The following XIRP2 variants were observed in gnomAD, a reference collection of about 807,000 sequenced individuals.
The protein encoded by XIRP2 is xin actin binding repeat containing 2, also known as xin actin-binding repeat-containing protein 2.
In XIRP2, 236 loss-of-function variants were observed where a neutral mutation model predicts 277.0. The observed-to-expected ratio is 0.85, with a 90% CI of 0.77 to 0.95. The LOEUF is 0.95. Ranked by LOEUF, XIRP2 falls within the 40% of genes least tolerant of loss-of-function variation. XIRP2 has a pLI of 0.00. For synonymous variants in XIRP2, 1,490 were observed against 1,416.5 expected (o/e 1.05, Z -1.17); for missense variants, 4,640 against 4,157.5 (o/e 1.12, Z -3.19).
At chr2:166,919,470 C>T (rs1046617373) in intron 2 of XIRP2, among the ~76,000 whole-genome samples, 21 of 152,066 alleles carry the variant, frequency 1.4e-4, no homozygotes, top group African/African-American at 4.6e-4. Flanking sequence ...TCTTTTTGCC[C>T]CATTTGTGGA....
intron 2 of XIRP2, among the ~76,000 whole-genome samples, chr2:167,023,104 C>T (rs1438054578): frequency 1.3e-4 from 20 of 152,116 alleles, no homozygotes; most frequent in East Asian, 1.2e-3. Context: ...CTCCACATCC[C>T]CTCCAGCACC....
rs188803477 is a variant in XIRP2, at chr2:167,149,938, T to G, written c.562+13876T>G. Among the ~76,000 whole-genome samples the G allele has an allele frequency of 1.3e-3, 196 of 152,034 alleles. 3 individuals carry two copies. The East Asian group carries it at 0.029, about 22-fold the overall frequency. On this transcript the variant is annotated intron_variant, in intron 3 of 10. Coordinates refer to ENST00000409195, the MANE Select transcript of XIRP2 (RefSeq NM_152381.6). ...AGAAAGAGACAACCAAATTTAAAATTAGGCAAAGTATACAAACAACAAAAA... is the reference window on the plus strand; with the variant it reads ...AGAAAGAGACAACCAAATTTAAAATGAGGCAAAGTATACAAACAACAAAAA...
chr2:166,893,160 T>G (rs1307618016), intron 1 of XIRP2, among the ~76,000 whole-genome samples: 1 of 151,922 alleles, frequency 6.6e-6, no homozygotes, highest in Non-Finnish European at 1.5e-5. Context: ...AGTGAGAATA[T>G]TGGAATTTGA....
chr2:166,929,641 T>G (rs1574086760), intron 2 of XIRP2, among the ~76,000 whole-genome samples: 1 of 152,166 alleles, frequency 6.6e-6, no homozygotes, highest in African/African-American at 2.4e-5. Flanking sequence ...CAGTACTTTT[T>G]TTTTCCTTAT....
chr2:167,005,309 C>A (rs928094425), intron 2 of XIRP2, among the ~76,000 whole-genome samples: 1 of 151,794 alleles, frequency 6.6e-6, no homozygotes, highest in African/African-American at 2.4e-5. Context: ...CCTAGGACAT[C>A]TTTTATCTGT....
intron 4 of XIRP2, among the ~76,000 whole-genome samples, chr2:167,217,631 A>G (rs1482287170): frequency 6.6e-6 from 1 of 152,196 alleles, no homozygotes; most frequent in East Asian, 1.9e-4. Flanking sequence ...TTTAATACAT[A>G]CAAAATCACA....
chr2:167,093,360 C>A (rs1415480383), intron 2 of XIRP2, among the ~76,000 whole-genome samples: 2 of 151,786 alleles, frequency 1.3e-5, no homozygotes, highest in African/African-American at 4.8e-5. Flanking sequence ...GATACATGTG[C>A]AGAACATGCA....
intron 2 of XIRP2, among the ~76,000 whole-genome samples, chr2:166,942,391 G>T (rs1203138033): frequency 1.3e-5 from 2 of 152,054 alleles, no homozygotes; most frequent in Non-Finnish European, 2.9e-5. Context: ...TTATTTTCAT[G>T]AAAAACTTCA....
At position 167,096,202 on chromosome 2, in the gene XIRP2, A is replaced by G. The variant is rs554940274; in HGVS notation, c.409-39707A>G. ...CTGGGCTTTTATTGGTTGCTAGGCT[A>G]TTAATTGCTGCCTCAATTTCAGAAC... On this transcript the variant is annotated intron_variant, in intron 2 of 10. Transcript: ENST00000409195. Among the ~76,000 whole-genome samples, 3 of 152,188 alleles carry G rather than the reference A, an allele frequency of 2.0e-5. No homozygotes were observed. In the East Asian group the frequency reaches 5.8e-4, roughly 29 times the overall value.
chr2:167,185,326 T>G (rs1693124679), intron 3 of XIRP2, among the ~76,000 whole-genome samples: 1 of 152,148 alleles, frequency 6.6e-6, no homozygotes, highest in East Asian at 1.9e-4. Flanking sequence ...TTGTTGGTCT[T>G]AATGTATAAT....
intron 9 of XIRP2, among the ~76,000 whole-genome samples, chr2:167,253,818 T>C (rs1029317399): frequency 6.6e-6 from 1 of 151,778 alleles, no homozygotes; most frequent in Non-Finnish European, 1.5e-5. Flanking sequence ...AATCTATAAA[T>C]GGTAGAAGCA....
intron 2 of XIRP2, among the ~76,000 whole-genome samples, chr2:167,086,007 C>G (rs1689930490): frequency 1.3e-5 from 2 of 151,464 alleles, no homozygotes. Flanking sequence ...GGTTATTTTG[C>G]TCGTTAGTTG....
rs1479589 is a variant in XIRP2 at position 167,255,719 on chromosome 2, A to G, written c.*39+1554A>G. Among the ~76,000 whole-genome samples the G allele has an allele frequency of 6.4e-4, 97 of 151,948 alleles. 2 individuals carry two copies. In the South Asian group the frequency reaches 0.019, roughly 30 times the overall value. On this transcript the variant is annotated intron_variant, in intron 10 of 10. Coordinates refer to ENST00000409195, the MANE Select transcript of XIRP2 (RefSeq NM_152381.6). ...CATCTTAGTTTTCAGGTTGCAAGATATTAATGCCCACCACCAATGCTTACC... is the reference window on the plus strand; with the variant it reads ...CATCTTAGTTTTCAGGTTGCAAGATGTTAATGCCCACCACCAATGCTTACC...
At chr2:166,983,016 C>T (rs75792962) in intron 2 of XIRP2, among the ~76,000 whole-genome samples, 7,214 of 152,228 alleles carry the variant, frequency 0.047, 221 homozygotes, top group East Asian at 0.079. Flanking sequence ...CTATTTTGAT[C>T]CACTTTCTGG....
chr2:166,939,077 T>C (rs1417832537), intron 2 of XIRP2, among the ~76,000 whole-genome samples: 3 of 152,238 alleles, frequency 2.0e-5, no homozygotes, highest in Non-Finnish European at 1.5e-5. Flanking sequence ...AATTGGAGCA[T>C]TTAGCCCATT....
At chr2:167,049,106 TTTC>T (rs1688857096) in intron 2 of XIRP2, among the ~76,000 whole-genome samples, 1 of 151,860 alleles carries the variant, frequency 6.6e-6, no homozygotes, top group South Asian at 2.1e-4. Flanking sequence ...ATGAGTTCTT[TTTC>T]TCTCTGTGTC....
intron 3 of XIRP2, among the ~76,000 whole-genome samples, chr2:167,209,572 C>A (rs1409642964): frequency 6.6e-6 from 1 of 151,920 alleles, no homozygotes; most frequent in Admixed American, 6.6e-5. Flanking sequence ...AAACTACCAG[C>A]CCTAAGAGTG....
At chr2:167,135,818 T>C in intron 2 of XIRP2, 91 bp from the exon 3 acceptor site, 1 of 1,229,218 alleles carries the variant, frequency 8.1e-7, no homozygotes, top group Non-Finnish European at 1.1e-6. Context: ...AATCCCTCCC[T>C]CTTTCATTTC....
At chr2:166,917,637 C>T (rs920962992) in intron 2 of XIRP2, among the ~76,000 whole-genome samples, 1 of 151,628 alleles carries the variant, frequency 6.6e-6, no homozygotes, top group African/African-American at 2.4e-5. Flanking sequence ...AAAAAAAAAG[C>T]CAGTAACCAT....
Sources: gnomAD v4.1 joint callset for allele counts (sites outside exome capture counted in the v4.1 genomes callset) on GRCh38, gnomAD v4.1.1 for gene constraint, MANE v1.5 for transcripts, NCBI Gene and HGNC (gene_info 2026-07-23, HGNC 2026-07-21) for gene names.